Variants in AKTIP observed in about 807,000 individuals in gnomAD.
The protein encoded by AKTIP is AKT interacting protein.
In AKTIP, 16 loss-of-function variants were observed where a neutral mutation model predicts 39.1. The observed-to-expected ratio is 0.41, with a 90% CI of 0.28 to 0.62. The LOEUF (loss-of-function observed/expected upper bound fraction) is 0.62, where lower values mean the gene tolerates loss of function less well. Ranked by LOEUF, AKTIP falls within the 20% of genes least tolerant of loss-of-function variation. The probability of loss-of-function intolerance (pLI) is 0.32; values close to 1 mark genes in which losing one functional copy is unlikely to be tolerated. For missense variants in AKTIP, 262 were observed against 356.6 expected (o/e 0.73, Z 2.14); for synonymous variants, 93 against 124.3 (o/e 0.75, Z 1.67).
intron 5 of AKTIP, 107 bp from the exon 6 acceptor site, chr16:53,494,712 T>G: frequency 8.8e-7 from 1 of 1,136,150 alleles, no homozygotes. Context: ...GTCACGTTAT[T>G]TAAAGCTAAA....
In AKTIP at chr16:53,491,692, A is replaced by AATGGCC. The variant is rs1247373313; in HGVS notation, c.*719_*720insGGCCAT. On this transcript the variant is annotated 3_prime_UTR_variant, in exon 10 of 10. Coordinates refer to ENST00000394657, the MANE Select transcript of AKTIP (RefSeq NM_022476.4). ...TGAGAAAAGGGTAGTTTCCTGCATA[A>AATGGCC]ATGGCAAAGAACAATCATTTATTGG... The AATGGCC allele has an allele frequency of 6.6e-6, 1 of 152,650 alleles. No homozygotes were observed. The highest frequency in any genetic ancestry group is 1.5e-5 in the Non-Finnish European group (1 of 68,030). 9.5% of individuals were successfully genotyped at this position (152,650 alleles called of 1,614,324 possible). A position where few individuals can be genotyped will look rare whatever the true frequency, so the allele number is the denominator to read the frequency against.
At chr16:53,504,125 A>G (rs1471048379), upstream of AKTIP, among the ~76,000 whole-genome samples, 1 of 129,988 alleles carries the variant, frequency 7.7e-6, no homozygotes, top group African/African-American at 2.9e-5. Context: ...ACACGCTCTC[A>G]TTTGGACCTC....
Position 53,503,184 on chromosome 16 carries a change from GCCGCCGCGGCCCGACAGCATCTC to G in AKTIP, c.-131_-109del, listed in dbSNP as rs1420972911. 18 of 154,716 alleles carry G rather than the reference GCCGCCGCGGCCCGACAGCATCTC, an allele frequency of 1.2e-4. No homozygotes were observed. The East Asian group carries it at 3.4e-3, about 29-fold the overall frequency. The allele number at this position is 154,716 out of a possible 1,614,324, so 9.6% of individuals were successfully genotyped here. ...AATGCAGAGCTCCTGGCTGCCAAGC[GCCGCCGCGGCCCGACAGCATCTC>G]CCGCCGCAGCGCCAGCCCTGCCCCT... On this transcript the variant is annotated 5_prime_UTR_variant, in exon 1 of 10. The change abolishes an upstream ATG in the 5' untranslated region. Transcript: ENST00000394657.
At position 53,492,143 on chromosome 16, in the gene AKTIP, C is replaced by G. The variant is rs967682331; in HGVS notation, c.*269G>C. The G allele has an allele frequency of 4.3e-5, 16 of 371,122 alleles. 1 individual carries two copies. The highest frequency in any genetic ancestry group is 4.9e-6 in the Non-Finnish European group (1 of 203,912). The allele number at this position is 371,122 out of a possible 1,614,324, so 23.0% of individuals were successfully genotyped here. Reference sequence around the variant, plus strand: ...TGCAACTTACCTTTAGCATTATATTCAGAAAAATACTTACTTAAGCCTCAA... The same window carrying G: ...TGCAACTTACCTTTAGCATTATATTGAGAAAAATACTTACTTAAGCCTCAA... On this transcript the variant is annotated 3_prime_UTR_variant, in exon 10 of 10. Transcript: ENST00000394657.
intron 2 of AKTIP, among the ~76,000 whole-genome samples, chr16:53,499,830 T>C (rs1962063280): frequency 6.6e-6 from 1 of 152,192 alleles, no homozygotes; most frequent in South Asian, 2.1e-4. Flanking sequence ...TAAAAAATCA[T>C]TTTATTTAGA....
intron 2 of AKTIP, among the ~76,000 whole-genome samples, chr16:53,499,966 A>G (rs1962072441): frequency 6.6e-6 from 1 of 152,224 alleles, no homozygotes; most frequent in Non-Finnish European, 1.5e-5. Context: ...CATCATGTGT[A>G]AATATAACCT....
chr16:53,501,734 G>A (rs1049175041), intron 1 of AKTIP: 1 of 152,210 alleles, frequency 6.6e-6, no homozygotes, highest in African/African-American at 2.4e-5. Context: ...TACCTTGCCA[G>A]TGCCCATTAC....
rs1280909282 is a variant in AKTIP, at chr16:53,491,717, GTTTAT to G, written c.*690_*694del. ...AATGGCAAAGAACAATCATTTATTG[GTTTAT>G]TTTGTCTCTACTAAACACATTAGTC... On this transcript the variant is annotated 3_prime_UTR_variant, in exon 10 of 10. Coordinates refer to ENST00000394657, the MANE Select transcript of AKTIP (RefSeq NM_022476.4). 6.6e-6 allele frequency: 1 copy of G among 152,470 alleles called. No homozygotes were observed. The highest frequency in any genetic ancestry group is 2.4e-5 in the African/African-American group (1 of 41,392). 9.4% of individuals were successfully genotyped at this position (152,470 alleles called of 1,614,324 possible).
rs536068787 is a variant in AKTIP at position 53,500,654 on chromosome 16, G to A, written c.-70-325C>T. On this transcript the variant is annotated intron_variant, in intron 1 of 9. Transcript: ENST00000394657. ...CAGCCTCCCAAAGTGCTGGGATTAC[G>A]GGCATGAGCCACCACGCCCGGCCAA... is the stretch of plus-strand genomic sequence containing the variant. Among the ~76,000 whole-genome samples the A allele has an allele frequency of 3.9e-5, 6 of 152,154 alleles. No homozygotes were observed. In the East Asian group the frequency reaches 7.7e-4, roughly 20 times the overall value.
intron 3 of AKTIP, 98 bp downstream of exon 3, chr16:53,498,292 AT>A: frequency 8.0e-7 from 1 of 1,253,020 alleles, no homozygotes; most frequent in Middle Eastern, 1.9e-4. Flanking sequence ...GAGCTTTGAG[AT>A]TAAATGTCTG....
chr16:53,494,550 T>G lies in AKTIP; in HGVS notation c.470A>C (p.Glu157Ala). The change falls in exon 6 of 10, where the codon GAG (glutamate) becomes GCG (alanine). Residue 157 changes from glutamate to alanine, a missense_variant. Physicochemically the swap from Glu to Ala is moderately radical, Grantham distance 107 (BLOSUM62 -1). Coordinates refer to ENST00000394657, the MANE Select transcript of AKTIP (RefSeq NM_022476.4). ...TGCAAATGCTCTCTTCACATCCAGC[T>G]CACCTGAGGTGGGATCAACTAGCGG... The part of the protein sequence containing the change: ...FHPLVDPTSG[E>A]LDVKRAFAKW... 6.2e-7 allele frequency: 1 copy of G among 1,614,210 alleles called. No individual in the cohort carries two copies. The highest frequency in any genetic ancestry group is 8.5e-7 in the Non-Finnish European group (1 of 1,180,028).
At chr16:53,500,149 T>C (rs1404806132) in intron 2 of AKTIP, 69 bp downstream of exon 2, 2 of 1,248,504 alleles carry the variant, frequency 1.6e-6, no homozygotes, top group Admixed American at 1.9e-5. Flanking sequence ...ATTTTAGCCT[T>C]CATTCTGACC....
chr16:53,503,599 C>T (rs1339251491), upstream of AKTIP, among the ~76,000 whole-genome samples: 1 of 152,228 alleles, frequency 6.6e-6, no homozygotes, highest in Non-Finnish European at 1.5e-5. Context: ...GAGACCTTCC[C>T]GGAGGTTTAT....
chr16:53,498,358 C>T, intron 3 of AKTIP, 33 bp downstream of exon 3: 2 of 1,605,630 alleles, frequency 1.2e-6, no homozygotes, highest in Non-Finnish European at 1.7e-6. Flanking sequence ...AGGATCATTC[C>T]TAATTTAACC....
At chr16:53,502,835 G>A (rs1184634376) in intron 1 of AKTIP, 1 of 152,112 alleles carries the variant, frequency 6.6e-6, no homozygotes. Context: ...GCTCGGGGTC[G>A]GGACCCGGCC....
At chr16:53,497,145 GA>G (rs1230738197) in intron 3 of AKTIP, among the ~76,000 whole-genome samples, 1 of 152,158 alleles carries the variant, frequency 6.6e-6, no homozygotes, top group African/African-American at 2.4e-5. Flanking sequence ...TTAAATGATG[GA>G]AATTAAGAAT....
chr16:53,499,622 G>A (rs747207074), intron 2 of AKTIP, among the ~76,000 whole-genome samples: 2 of 151,874 alleles, frequency 1.3e-5, no homozygotes, highest in Non-Finnish European at 2.9e-5. Flanking sequence ...ACCATGCCCA[G>A]CTAATTTTTT....
intron 3 of AKTIP, among the ~76,000 whole-genome samples, chr16:53,497,984 G>A (rs923500985): frequency 3.9e-5 from 6 of 152,196 alleles, no homozygotes; most frequent in Non-Finnish European, 5.9e-5. Flanking sequence ...CCTGAACCTC[G>A]TGATCCACCT....
rs148339176 is a variant in AKTIP, at chr16:53,499,696, G to A, written c.42+522C>T. ...AGGATGGTCTCGATCTCCTGACCTC[G>A]TGATCTGCCCGCCTCGGCCTCTCAA... is the stretch of plus-strand genomic sequence containing the variant. On this transcript the variant is annotated intron_variant, in intron 2 of 9. Coordinates refer to ENST00000394657, the MANE Select transcript of AKTIP (RefSeq NM_022476.4). Among the ~76,000 whole-genome samples, 876 of 152,084 alleles carry A rather than the reference G, an allele frequency of 5.8e-3. 35 individuals are homozygous for A. The South Asian group carries it at 0.088, about 15-fold the overall frequency.
Sources: gnomAD v4.1 joint callset for allele counts (sites outside exome capture counted in the v4.1 genomes callset) on GRCh38, gnomAD v4.1.1 for gene constraint, MANE v1.5 for transcripts, NCBI Gene and HGNC (gene_info 2026-07-23, HGNC 2026-07-21) for gene names.